Variants in DYM observed in about 807,000 individuals in gnomAD.
The protein encoded by DYM is dyggve-Melchior-Clausen syndrome protein.
In DYM, 78 loss-of-function variants were observed where a neutral mutation model predicts 93.1. That is an observed-to-expected ratio of 0.84 (90% confidence interval 0.70 to 1.01). DYM has a LOEUF of 1.01. Among genes scored for constraint, DYM ranks in the 50% least tolerant of loss-of-function variants. The probability of loss-of-function intolerance (pLI) is 0.00; values close to 1 mark genes in which losing one functional copy is unlikely to be tolerated. For missense variants in DYM, 789 were observed against 845.0 expected, an observed-to-expected ratio of 0.93 and a Z score of 0.82; for synonymous variants, 321 against 319.7, an observed-to-expected ratio of 1.00 and a Z score of -0.04.
chr18:49,079,690 A>T (rs2077624609), intron 17 of DYM, among the ~76,000 whole-genome samples: 1 of 151,716 alleles, frequency 6.6e-6, no homozygotes, highest in Admixed American at 6.6e-5. Flanking sequence ...GAGTGGACAC[A>T]GCACATGTTT....
chr18:49,036,726 G>C lies in DYM; in HGVS notation c.*7329C>G, dbSNP rs975458021. 1.8e-4 allele frequency among the ~76,000 whole-genome samples: 27 copies of C among 151,934 alleles called. No individual in the cohort carries two copies. Among genetic ancestry groups the C allele is most frequent in the African/African-American group, 5.8e-4 (24 of 41,412 alleles). Reference sequence around the variant, plus strand: ...ACCACCATGCTCAGCTAATTTGTGTGTGTGTGTGTGTAGAGACAGGAGGGT... The same window carrying C: ...ACCACCATGCTCAGCTAATTTGTGTCTGTGTGTGTGTAGAGACAGGAGGGT... On this transcript the variant is annotated 3_prime_UTR_variant, in exon 18 of 18. Transcript: ENST00000675505.
rs550656013 is a variant in DYM, at chr18:49,227,254, A to G, written c.1461-17539T>C. Among the ~76,000 whole-genome samples, 3 of 152,318 alleles carry G rather than the reference A, an allele frequency of 2.0e-5. No homozygotes were observed. The East Asian group carries it at 5.8e-4, about 29-fold the overall frequency. ...TTCCTAAAAAACTGAGCTCTAAGTT[A>G]TGATTCTTCAACATCCATGCCACAA... On this transcript the variant is annotated intron_variant, in intron 13 of 17. Coordinates refer to ENST00000675505, the MANE Select transcript of DYM (RefSeq NM_001353214.3).
chr18:49,261,532 G>A (rs572781983), intron 11 of DYM, among the ~76,000 whole-genome samples: 9 of 152,222 alleles, frequency 5.9e-5, no homozygotes, highest in South Asian at 2.1e-4. Context: ...GCGAGGTGGC[G>A]TGCACCTGTA....
At chr18:49,055,166 C>A (rs1256576159) in intron 17 of DYM, among the ~76,000 whole-genome samples, 2 of 152,048 alleles carry the variant, frequency 1.3e-5, no homozygotes, top group East Asian at 3.9e-4. Flanking sequence ...GTTGCTGGAA[C>A]TGCATGTGGA....
At chr18:49,225,668 T>G (rs1254723377) in intron 13 of DYM, among the ~76,000 whole-genome samples, 2 of 152,248 alleles carry the variant, frequency 1.3e-5, no homozygotes, top group African/African-American at 4.8e-5. Flanking sequence ...AAAATACAAT[T>G]TTTAATCAAT....
chr18:49,245,342 T>A (rs933569987), intron 13 of DYM, among the ~76,000 whole-genome samples: 4 of 152,214 alleles, frequency 2.6e-5, no homozygotes, highest in Non-Finnish European at 5.9e-5. Context: ...TCTGACTGCC[T>A]GTGGGGTCAG....
chr18:49,325,047 T>C (rs1037166986), intron 8 of DYM, among the ~76,000 whole-genome samples: 1 of 152,064 alleles, frequency 6.6e-6, no homozygotes, highest in Non-Finnish European at 1.5e-5. Context: ...GAGTGGGAGA[T>C]GAGAAAAGGC....
intron 17 of DYM, among the ~76,000 whole-genome samples, chr18:49,094,443 G>C (rs2079364820): frequency 6.6e-6 from 1 of 152,168 alleles, no homozygotes; most frequent in Non-Finnish European, 1.5e-5. Context: ...AAGTGACTCA[G>C]GATTTCAGAG....
At chr18:49,204,296 CT>C (rs1258232650) in intron 14 of DYM, among the ~76,000 whole-genome samples, 1 of 152,170 alleles carries the variant, frequency 6.6e-6, no homozygotes, top group African/African-American at 2.4e-5. Context: ...TTCTGATGCT[CT>C]TTTCAGCTTT....
At chr18:49,219,518 G>T (rs950478885) in intron 13 of DYM, among the ~76,000 whole-genome samples, 1 of 152,032 alleles carries the variant, frequency 6.6e-6, no homozygotes, top group Non-Finnish European at 1.5e-5. Flanking sequence ...TAAAATACTG[G>T]CAAACTGAAT....
intron 2 of DYM, among the ~76,000 whole-genome samples, chr18:49,425,980 C>CA (rs2074245194): frequency 6.6e-6 from 1 of 152,062 alleles, no homozygotes; most frequent in Non-Finnish European, 1.5e-5. Context: ...TTGTGGAAGT[C>CA]AGTGTGGCGA....
chr18:49,385,175 T>G (rs1414236950), intron 3 of DYM, among the ~76,000 whole-genome samples: 1 of 151,924 alleles, frequency 6.6e-6, no homozygotes, highest in African/African-American at 2.4e-5. Context: ...CTGAAAAGAT[T>G]GTATTTATAT....
chr18:49,060,732 G>T, intron 17 of DYM, among the ~76,000 whole-genome samples: 1 of 111,796 alleles, frequency 8.9e-6, no homozygotes, highest in Non-Finnish European at 1.9e-5. Context: ...GGGGAGAGAG[G>T]GAGAGGGAGA....
At chr18:49,154,302 T>C (rs1219387139) in intron 15 of DYM, among the ~76,000 whole-genome samples, 1 of 152,198 alleles carries the variant, frequency 6.6e-6, no homozygotes, top group Admixed American at 6.5e-5. Context: ...TTAACAGTAA[T>C]GTACCAGTAT....
At chr18:49,248,636 A>T (rs1208940794) in intron 13 of DYM, among the ~76,000 whole-genome samples, 1 of 152,204 alleles carries the variant, frequency 6.6e-6, no homozygotes, top group Non-Finnish European at 1.5e-5. Context: ...AAGTTTAAAA[A>T]AAAAAACCAA....
chr18:49,328,688 A>T (rs1301787583), intron 8 of DYM, among the ~76,000 whole-genome samples: 1 of 152,228 alleles, frequency 6.6e-6, no homozygotes, highest in Admixed American at 6.5e-5. Flanking sequence ...AAAAATGCTT[A>T]TCATCACTGG....
At chr18:49,103,224 G>A (rs2080380324) in intron 16 of DYM, among the ~76,000 whole-genome samples, 1 of 152,190 alleles carries the variant, frequency 6.6e-6, no homozygotes, top group Admixed American at 6.5e-5. Flanking sequence ...CTTTTGAGAA[G>A]TGTCTGTTCA....
At chr18:49,318,869 C>T (rs1405638279) in intron 8 of DYM, among the ~76,000 whole-genome samples, 3 of 140,690 alleles carry the variant, frequency 2.1e-5, no homozygotes, top group African/African-American at 5.4e-5. Context: ...GGCACGATCT[C>T]GGCTCACTGT....
chr18:49,154,052 A>T (rs2086113351), intron 15 of DYM, among the ~76,000 whole-genome samples: 1 of 152,194 alleles, frequency 6.6e-6, no homozygotes, highest in Non-Finnish European at 1.5e-5. Context: ...ACCTCTTCCC[A>T]ATCCTTGTCA....
Sources: allele counts gnomAD v4.1 joint callset (sites outside exome capture counted in the v4.1 genomes callset), GRCh38; gene constraint gnomAD v4.1.1; transcripts MANE v1.5; gene names NCBI Gene and HGNC (gene_info 2026-07-23, HGNC 2026-07-21).